Variants in RUFY3 observed in about 807,000 individuals in gnomAD.
RUFY3 encodes protein RUFY3.
Under a neutral mutation model 84.0 loss-of-function variants are expected in RUFY3, and 34 were observed. The ratio of observed to expected loss-of-function variants is 0.40; its 90% confidence interval spans 0.31 to 0.54. The LOEUF (loss-of-function observed/expected upper bound fraction) is 0.54, where lower values mean the gene tolerates loss of function less well. RUFY3 is among the 20% of genes least tolerant of loss of function. RUFY3 has a pLI of 0.39. For missense variants in RUFY3, 507 were observed against 736.8 expected (o/e 0.69, Z 3.61); for synonymous variants, 242 against 252.9 (o/e 0.96, Z 0.41).
At chr4:70,746,078 T>C (rs1438712187) in intron 1 of RUFY3, among the ~76,000 whole-genome samples, 3 of 151,812 alleles carry the variant, frequency 2.0e-5, no homozygotes, top group African/African-American at 7.3e-5. Flanking sequence ...GCGTGGTGGC[T>C]CACGCCTGTA....
intron 1 of RUFY3, among the ~76,000 whole-genome samples, chr4:70,757,006 C>T (rs1724139256): frequency 6.6e-6 from 1 of 152,056 alleles, no homozygotes; most frequent in Non-Finnish European, 1.5e-5. Flanking sequence ...CATGGCGACC[C>T]ATGCCTGTAA....
rs906140150 is a variant in RUFY3, at chr4:70,768,478, T to G, written c.573-60T>G. On this transcript the variant is annotated intron_variant, in intron 4 of 17. Transcript: ENST00000381006. ...AACCATGAATCAACCATTTTTGTCCTTGTCTCTGGATTTTTGAGATTTTTG... is the reference window on the plus strand; with the variant it reads ...AACCATGAATCAACCATTTTTGTCCGTGTCTCTGGATTTTTGAGATTTTTG... The G allele has an allele frequency of 9.5e-6, 15 of 1,571,362 alleles. No individual in the cohort carries two copies. In the African/African-American group the frequency reaches 2.0e-4, roughly 21 times the overall value.
chr4:70,764,746 T>C (rs1344351121), intron 4 of RUFY3, among the ~76,000 whole-genome samples, 170 bp downstream of exon 4: 1 of 152,222 alleles, frequency 6.6e-6, no homozygotes, highest in African/African-American at 2.4e-5. Context: ...GGATGATTTA[T>C]GTTATGTGTG....
chr4:70,782,889 G>A (rs572051601), intron 8 of RUFY3, among the ~76,000 whole-genome samples: 95 of 152,186 alleles, frequency 6.2e-4, no homozygotes, highest in Non-Finnish European at 1.1e-3. Flanking sequence ...TCCAGGCTGG[G>A]CAATAGAGTG....
chr4:70,797,855 AAAT>A (rs1477680673), intron 14 of RUFY3, among the ~76,000 whole-genome samples: 2 of 151,952 alleles, frequency 1.3e-5, no homozygotes, highest in Non-Finnish European at 2.9e-5. Context: ...AAAAATAAAA[AAAT>A]AATAAAAAAA....
chr4:70,783,154 A>G lies in RUFY3; in HGVS notation c.958A>G (p.Ser320Gly). The change falls in exon 9 of 18, where the codon AGT becomes GGT. Residue 320 changes from serine to glycine, a missense_variant. Ser to Gly is a moderately conservative substitution (Grantham distance 56). Transcript: ENST00000381006. The part of the protein sequence containing the change: ...QEEMERVKEE[S>G]SYILESNRKG... ...AGAAATGGAACGAGTTAAAGAGGAA[A>G]GTTCCTACATACTGGAATCCAATCG... The G allele has an allele frequency of 6.2e-7, 1 of 1,609,044 alleles. No homozygotes were observed. Among genetic ancestry groups the G allele is most frequent in the Non-Finnish European group, 8.5e-7 (1 of 1,175,678 alleles).
At chr4:70,742,896 A>G (rs1272743698) in intron 1 of RUFY3, among the ~76,000 whole-genome samples, 1 of 152,180 alleles carries the variant, frequency 6.6e-6, no homozygotes, top group African/African-American at 2.4e-5. Flanking sequence ...AACTATTTTT[A>G]TGCCATCTTT....
Position 70,722,455 on chromosome 4 carries a change from G to A in RUFY3, c.-119G>A. 1 of 1,368,498 alleles carries A rather than the reference G, an allele frequency of 7.3e-7. No individual in the cohort carries two copies. Among genetic ancestry groups the A allele is most frequent in the Non-Finnish European group, 9.5e-7 (1 of 1,055,770 alleles). 84.8% of individuals were successfully genotyped at this position (1,368,498 alleles called of 1,614,324 possible). ...AACCTCCCCCACCCTTTTCCTGAAA[G>A]CTTTGTTTCAGAGCTTTGTATTGGG... On this transcript the variant is annotated 5_prime_UTR_variant, in exon 1 of 18. Coordinates refer to ENST00000381006, the MANE Select transcript of RUFY3 (RefSeq NM_001037442.4).
chr4:70,749,407 T>A (rs967504754), intron 1 of RUFY3, among the ~76,000 whole-genome samples: 8 of 152,080 alleles, frequency 5.3e-5, no homozygotes, highest in Non-Finnish European at 1.0e-4. Context: ...TATTTTTTTT[T>A]AATCTATTAA....
intron 1 of RUFY3, chr4:70,741,801 A>G (rs1331392814): frequency 9.2e-6 from 6 of 650,062 alleles, no homozygotes; most frequent in Non-Finnish European, 1.4e-5. Flanking sequence ...CCATGGCAAT[A>G]AGTGGAAATC....
intron 5 of RUFY3, among the ~76,000 whole-genome samples, chr4:70,773,241 G>T (rs1727289071): frequency 1.3e-5 from 2 of 152,286 alleles, no homozygotes; most frequent in Middle Eastern, 6.8e-3. Context: ...AAAAGAGAAA[G>T]AAACTTTAGA....
chr4:70,762,383 A>G (rs1294360365), intron 1 of RUFY3, 136 bp from the exon 2 acceptor site: 8 of 700,092 alleles, frequency 1.1e-5, no homozygotes, highest in African/African-American at 7.1e-5. Flanking sequence ...TTACTGCTTC[A>G]TTGAGGATAT....
chr4:70,737,071 A>T (rs1027602590), intron 1 of RUFY3, among the ~76,000 whole-genome samples: 1 of 152,250 alleles, frequency 6.6e-6, no homozygotes, highest in Non-Finnish European at 1.5e-5. Context: ...ATGGTATCAT[A>T]AACTTTCATA....
At chr4:70,792,241 C>A (rs1730943679) in intron 12 of RUFY3, 1 of 985,034 alleles carries the variant, frequency 1.0e-6, no homozygotes, top group African/African-American at 1.7e-5. Context: ...TCATTTCTTA[C>A]CTGGAAACAT....
chr4:70,741,434 C>G (rs1019313270), intron 1 of RUFY3, among the ~76,000 whole-genome samples: 7 of 152,054 alleles, frequency 4.6e-5, no homozygotes, highest in Admixed American at 3.9e-4. Flanking sequence ...ATTTAATAAC[C>G]GTAGTTGCTA....
chr4:70,780,150 G>A (rs1728663185), intron 8 of RUFY3, among the ~76,000 whole-genome samples: 1 of 152,120 alleles, frequency 6.6e-6, no homozygotes, highest in Non-Finnish European at 1.5e-5. Flanking sequence ...GTTCAGCACA[G>A]ATTTTTTACT....
chr4:70,780,419 G>A (rs1400891477), intron 8 of RUFY3, among the ~76,000 whole-genome samples: 7 of 151,980 alleles, frequency 4.6e-5, no homozygotes, highest in Non-Finnish European at 7.4e-5. Flanking sequence ...CTCAGCCTCC[G>A]AGTAGCCGGG....
intron 1 of RUFY3, among the ~76,000 whole-genome samples, chr4:70,751,179 T>C (rs1723075252): frequency 6.6e-6 from 1 of 152,214 alleles, no homozygotes; most frequent in South Asian, 2.1e-4. Flanking sequence ...ACCCAGGTAG[T>C]GAGCATAGTA....
chr4:70,782,419 G>A (rs1169566788), intron 8 of RUFY3, among the ~76,000 whole-genome samples: 2 of 151,050 alleles, frequency 1.3e-5, no homozygotes, highest in Non-Finnish European at 2.9e-5. Flanking sequence ...CGAGTAGCTG[G>A]GATTACAGGC....
Sources: gnomAD v4.1 joint callset for allele counts (sites outside exome capture counted in the v4.1 genomes callset) on GRCh38, gnomAD v4.1.1 for gene constraint, MANE v1.5 for transcripts, NCBI Gene and HGNC (gene_info 2026-07-23, HGNC 2026-07-21) for gene names.